Variants in NKAIN2 observed in about 807,000 individuals in gnomAD.
NKAIN2 encodes sodium/potassium-transporting ATPase subunit beta-1-interacting protein 2.
Under a neutral mutation model 32.6 loss-of-function variants are expected in NKAIN2, and 14 were observed. That is an observed-to-expected ratio of 0.43 (90% CI 0.28 to 0.67). NKAIN2 has a LOEUF of 0.67. Among genes scored for constraint, NKAIN2 ranks in the 30% least tolerant of loss-of-function variants. NKAIN2 has a pLI of 0.17. For synonymous variants in NKAIN2, 80 were observed against 87.2 expected, an observed-to-expected ratio of 0.92 and a Z score of 0.46; for missense variants, 198 against 258.3, an observed-to-expected ratio of 0.77 and a Z score of 1.60.
intron 2 of NKAIN2, among the ~76,000 whole-genome samples, chr6:124,331,721 A>G (rs1035981985): frequency 3.3e-5 from 5 of 152,180 alleles, no homozygotes; most frequent in African/African-American, 1.2e-4. Context: ...TTCTATAGAC[A>G]AAGAGCAGGA....
At chr6:123,924,003 T>A (rs1280040338) in intron 1 of NKAIN2, among the ~76,000 whole-genome samples, 2 of 151,708 alleles carry the variant, frequency 1.3e-5, no homozygotes, top group Admixed American at 6.6e-5. Context: ...GCAGGTAACA[T>A]GTTGAATTTC....
intron 2 of NKAIN2, among the ~76,000 whole-genome samples, chr6:124,353,717 T>A (rs1354210086): frequency 6.6e-6 from 1 of 151,304 alleles, no homozygotes; most frequent in African/African-American, 2.4e-5. Context: ...ATCGCGCCAC[T>A]GCACTCCAGC....
chr6:124,116,250 G>T (rs1480122873), intron 1 of NKAIN2, among the ~76,000 whole-genome samples: 2 of 152,050 alleles, frequency 1.3e-5, no homozygotes, highest in Admixed American at 6.6e-5. Context: ...TCCACCTGGG[G>T]TTCCTTCAGC....
chr6:124,264,638 A>G (rs1308064541), intron 1 of NKAIN2, among the ~76,000 whole-genome samples: 1 of 152,154 alleles, frequency 6.6e-6, no homozygotes, highest in African/African-American at 2.4e-5. Flanking sequence ...AACTAGCACT[A>G]CTCAGTAGCT....
chr6:124,223,014 C>T (rs1266044955), intron 1 of NKAIN2, among the ~76,000 whole-genome samples: 1 of 151,916 alleles, frequency 6.6e-6, no homozygotes, highest in Non-Finnish European at 1.5e-5. Flanking sequence ...GAGTTCAAGA[C>T]CAGCCTGGCC....
intron 1 of NKAIN2, among the ~76,000 whole-genome samples, chr6:124,178,524 C>G (rs111787965): frequency 8.3e-4 from 127 of 152,202 alleles, no homozygotes; most frequent in African/African-American, 3.0e-3. Flanking sequence ...GTCTCAATCT[C>G]CTGATCTTGT....
chr6:124,804,109 A>G (rs925299936), intron 5 of NKAIN2, among the ~76,000 whole-genome samples: 1 of 152,174 alleles, frequency 6.6e-6, no homozygotes, highest in African/African-American at 2.4e-5. Context: ...TCTGACTCCA[A>G]AGCCCCCCAT....
At chr6:124,265,935 A>T (rs149773352) in intron 1 of NKAIN2, among the ~76,000 whole-genome samples, 345 of 152,340 alleles carry the variant, frequency 2.3e-3, no homozygotes, top group African/African-American at 7.9e-3. Flanking sequence ...CAGTAAATCA[A>T]ATAAACCCCA....
chr6:123,961,301 C>T (rs1777839368), intron 1 of NKAIN2, among the ~76,000 whole-genome samples: 3 of 152,094 alleles, frequency 2.0e-5, no homozygotes, highest in East Asian at 1.9e-4. Context: ...CTGTATACTA[C>T]GATTATTCCT....
At chr6:124,788,113 T>C (rs1054169033) in intron 4 of NKAIN2, among the ~76,000 whole-genome samples, 3 of 152,114 alleles carry the variant, frequency 2.0e-5, no homozygotes, top group Non-Finnish European at 4.4e-5. Context: ...GTTATATGTA[T>C]ACCTGCTACA....
intron 4 of NKAIN2, among the ~76,000 whole-genome samples, chr6:124,673,324 T>C (rs1773196658): frequency 1.3e-5 from 2 of 152,164 alleles, no homozygotes; most frequent in Non-Finnish European, 2.9e-5. Context: ...ATATCTTGCC[T>C]ACTGTGAATA....
intron 3 of NKAIN2, among the ~76,000 whole-genome samples, chr6:124,598,212 G>T (rs552508538): frequency 2.0e-5 from 3 of 152,120 alleles, no homozygotes; most frequent in African/African-American, 7.2e-5. Flanking sequence ...TGATTAGAAT[G>T]CCTCTATGTT....
At chr6:123,901,695 G>A (rs1168558263) in intron 1 of NKAIN2, among the ~76,000 whole-genome samples, 1 of 152,092 alleles carries the variant, frequency 6.6e-6, no homozygotes, top group Non-Finnish European at 1.5e-5. Context: ...ACATCACTCA[G>A]TTCTCTTGTT....
At chr6:124,749,728 C>A (rs189394805) in intron 4 of NKAIN2, among the ~76,000 whole-genome samples, 32 of 152,068 alleles carry the variant, frequency 2.1e-4, no homozygotes, top group East Asian at 5.8e-4. Flanking sequence ...TGCCCCAATT[C>A]TCTGCATAAA....
intron 1 of NKAIN2, among the ~76,000 whole-genome samples, chr6:123,889,876 G>T (rs1387422292): frequency 6.6e-6 from 1 of 152,016 alleles, no homozygotes; most frequent in Non-Finnish European, 1.5e-5. Flanking sequence ...TTTAATCAGT[G>T]GTCGAAATAT....
intron 3 of NKAIN2, among the ~76,000 whole-genome samples, chr6:124,574,927 ATC>A (rs2114926542): frequency 1.3e-5 from 2 of 152,342 alleles, no homozygotes; most frequent in East Asian, 3.9e-4. Flanking sequence ...CATTCAGAAT[ATC>A]TCTCAAAGGC....
chr6:124,236,023 T>G (rs1792739513), intron 1 of NKAIN2, among the ~76,000 whole-genome samples: 1 of 152,144 alleles, frequency 6.6e-6, no homozygotes, highest in Non-Finnish European at 1.5e-5. Context: ...ATAAAATGTT[T>G]CTAGGGAAAT....
At chr6:124,544,606 C>A (rs1780027256) in intron 3 of NKAIN2, among the ~76,000 whole-genome samples, 1 of 151,560 alleles carries the variant, frequency 6.6e-6, no homozygotes, top group African/African-American at 2.4e-5. Context: ...AGCCTAGGTT[C>A]TAAACTAGGG....
At chr6:124,426,542 A>G (rs1774990282) in intron 3 of NKAIN2, among the ~76,000 whole-genome samples, 1 of 152,228 alleles carries the variant, frequency 6.6e-6, no homozygotes, top group Non-Finnish European at 1.5e-5. Flanking sequence ...GCCAAAGAAG[A>G]TAGACAGATC....
Sources: allele counts gnomAD v4.1 joint callset (sites outside exome capture counted in the v4.1 genomes callset), GRCh38; gene constraint gnomAD v4.1.1; transcripts MANE v1.5; gene names NCBI Gene and HGNC (gene_info 2026-07-23, HGNC 2026-07-21).